AFAP1L2: variants seen among roughly 807,000 people sequenced by gnomAD.
AFAP1L2 encodes actin filament-associated protein 1-like 2.
Under a neutral mutation model 99.3 loss-of-function variants are expected in AFAP1L2, and 46 were observed. The ratio of observed to expected loss-of-function variants is 0.46; its 90% confidence interval spans 0.37 to 0.59. AFAP1L2 has a LOEUF of 0.59. AFAP1L2 is among the 20% of genes least tolerant of loss of function. AFAP1L2 has a pLI of 0.00. For synonymous variants in AFAP1L2, 397 were observed against 419.1 expected, an observed-to-expected ratio of 0.95 and a Z score of 0.64; for missense variants, 959 against 1,034.9, an observed-to-expected ratio of 0.93 and a Z score of 1.01.
chr10:114,309,636 C>T (rs2042919483), intron 8 of AFAP1L2, among the ~76,000 whole-genome samples: 1 of 152,052 alleles, frequency 6.6e-6, no homozygotes, highest in Admixed American at 6.5e-5. Context: ...CCCGAAAGCA[C>T]CATGCAAATG....
At chr10:114,388,728 C>T (rs549294118) in intron 1 of AFAP1L2, among the ~76,000 whole-genome samples, 179 of 152,288 alleles carry the variant, frequency 1.2e-3, no homozygotes, top group African/African-American at 3.9e-3. Flanking sequence ...GACATCAGCA[C>T]GTTCATTACA....
chr10:114,351,479 G>A lies in AFAP1L2; in HGVS notation c.17-10748C>T, dbSNP rs7916756. 7.6e-3 allele frequency among the ~76,000 whole-genome samples: 1,157 copies of A among 152,294 alleles called. 15 individuals are homozygous for A. The highest frequency in any genetic ancestry group is 0.027 in the African/African-American group (1,116 of 41,556). ...AGCATTGGACAGGTGTGCTGGTCGGGACCTTTTCATCCTGTCCAGGCCCCT... is the reference window on the plus strand; with the variant it reads ...AGCATTGGACAGGTGTGCTGGTCGGAACCTTTTCATCCTGTCCAGGCCCCT... On this transcript the variant is annotated intron_variant, in intron 1 of 18. Transcript: ENST00000304129.
chr10:114,291,982 T>C (rs1420543169), downstream of AFAP1L2, among the ~76,000 whole-genome samples: 1 of 152,122 alleles, frequency 6.6e-6, no homozygotes, highest in African/African-American at 2.4e-5. Flanking sequence ...GGTCTTCCTT[T>C]CAAAAGAGGC....
At chr10:114,360,048 G>A (rs754858780) in intron 1 of AFAP1L2, among the ~76,000 whole-genome samples, 48 of 152,126 alleles carry the variant, frequency 3.2e-4, no homozygotes, top group Admixed American at 7.2e-4. Context: ...GCATTTGGTC[G>A]AACATTCTTC....
At position 114,313,736 on chromosome 10, in the gene AFAP1L2, C is replaced by T. The variant is rs186515398; in HGVS notation, c.792+135G>A. The T allele has an allele frequency of 2.4e-5, 21 of 889,682 alleles. No individual in the cohort carries two copies. The East Asian group carries it at 3.8e-4, about 16-fold the overall frequency. The allele number at this position is 889,682 out of a possible 1,614,324, so 55.1% of individuals were successfully genotyped here. Reference sequence around the variant, plus strand: ...CCATTTGCAGAAGACAGATCGTTACCACTTAGAACACAGGAAGCCCTGCAA... The same window carrying T: ...CCATTTGCAGAAGACAGATCGTTACTACTTAGAACACAGGAAGCCCTGCAA... On this transcript the variant is annotated intron_variant, in intron 7 of 18. Transcript: ENST00000304129.
rs74157594 is a variant in AFAP1L2, at chr10:114,362,994, G to A, written c.17-22263C>T. The A allele has an allele frequency of 3.6e-3, 3,536 of 985,386 alleles. 51 individuals are homozygous for A. In the African/African-American group the frequency reaches 0.046, roughly 13 times the overall value. The allele number at this position is 985,386 out of a possible 1,614,324, so 61.0% of individuals were successfully genotyped here. A position where few individuals can be genotyped will look rare whatever the true frequency, so the allele number is the denominator to read the frequency against. On this transcript the variant is annotated intron_variant, in intron 1 of 18. Transcript: ENST00000304129. The stretch of plus-strand genomic sequence containing the variant: ...CCGGGGAATTCCCTGGTGGCAGCCC[G>A]ACAGGTGGGGAGGGACAGCTGCATG...
intron 11 of AFAP1L2, among the ~76,000 whole-genome samples, 167 bp downstream of exon 11, chr10:114,304,552 G>T (rs1165590012): frequency 6.6e-6 from 1 of 152,178 alleles, no homozygotes; most frequent in Non-Finnish European, 1.5e-5. Flanking sequence ...GGTCAGAAAA[G>T]GAATGGAAAT....
At chr10:114,311,895 C>A (rs1276335586) in intron 7 of AFAP1L2, among the ~76,000 whole-genome samples, 1 of 152,232 alleles carries the variant, frequency 6.6e-6, no homozygotes, top group African/African-American at 2.4e-5. Context: ...ATGGGCTTCA[C>A]AAAGCCAATG....
intron 4 of AFAP1L2, among the ~76,000 whole-genome samples, chr10:114,328,159 G>A (rs2046672015): frequency 6.6e-6 from 1 of 152,144 alleles, no homozygotes; most frequent in South Asian, 2.1e-4. Flanking sequence ...CTGAGTCACT[G>A]TCCACACCCA....
At chr10:114,308,962 C>G (rs1316987240) in intron 8 of AFAP1L2, among the ~76,000 whole-genome samples, 1 of 152,232 alleles carries the variant, frequency 6.6e-6, no homozygotes. Flanking sequence ...TTAAATGAGC[C>G]TCTCTGAGCC....
intron 1 of AFAP1L2, among the ~76,000 whole-genome samples, chr10:114,354,089 C>T (rs555622505): frequency 9.2e-5 from 14 of 152,246 alleles, no homozygotes; most frequent in African/African-American, 2.9e-4. Context: ...GGAACCTTCG[C>T]GCCTGAGTCC....
At chr10:114,298,085 A>G (rs1283327192) in intron 16 of AFAP1L2, among the ~76,000 whole-genome samples, 1 of 152,206 alleles carries the variant, frequency 6.6e-6, no homozygotes, top group Non-Finnish European at 1.5e-5. Flanking sequence ...AGTTTAAAAA[A>G]ATACAGTTCA....
intron 1 of AFAP1L2, among the ~76,000 whole-genome samples, chr10:114,371,916 G>A (rs1431203951): frequency 6.6e-6 from 1 of 151,910 alleles, no homozygotes; most frequent in Non-Finnish European, 1.5e-5. Context: ...GAACTAAATA[G>A]GACTCCAGTG....
At chr10:114,283,712 C>T in the AFAP1L2 span, among the ~76,000 whole-genome samples, 2 of 152,174 alleles carry the variant, frequency 1.3e-5, no homozygotes, top group African/African-American at 2.4e-5. Flanking sequence ...TGGGACCATG[C>T]GTGTATTGTG....
chr10:114,385,093 AG>A (rs1008190913), intron 1 of AFAP1L2, among the ~76,000 whole-genome samples: 8 of 152,214 alleles, frequency 5.3e-5, no homozygotes, highest in African/African-American at 1.4e-4. Flanking sequence ...AGGAGGAGGC[AG>A]GGGGGCAGTG....
At chr10:114,286,137 A>G in the AFAP1L2 span, 2 of 1,613,972 alleles carry the variant, frequency 1.2e-6, no homozygotes, top group Non-Finnish European at 1.7e-6. Context: ...CCTGTGGGGG[A>G]GTACCAGGAT....
chr10:114,345,611 A>C (rs981047291), intron 1 of AFAP1L2, among the ~76,000 whole-genome samples: 3 of 152,156 alleles, frequency 2.0e-5, no homozygotes, highest in Non-Finnish European at 2.9e-5. Flanking sequence ...TTACAACCCA[A>C]TTTGGCCACA....
chr10:114,313,966 G>C lies in AFAP1L2; in HGVS notation c.697C>G (p.Arg233Gly), dbSNP rs557738293. 1 of 1,613,974 alleles carries C rather than the reference G, an allele frequency of 6.2e-7. No individual in the cohort carries two copies. The highest frequency in any genetic ancestry group is 2.2e-5 in the East Asian group (1 of 44,838). ...ATCTTCAGCTTGTGCTCCTTCTTCCGCACTTGCTTCTCCTTGTGAATGACG... is the reference window on the plus strand; with the variant it reads ...ATCTTCAGCTTGTGCTCCTTCTTCCCCACTTGCTTCTCCTTGTGAATGACG... ...SSVIHKEKQV[R>G]KKEHKLKITP... Residue 233 changes from arginine (R) to glycine (G), a missense_variant, in exon 7 of 19, where the codon CGG (arginine) becomes GGG (glycine). Around this residue, in one of 2 missense-constraint regions of AFAP1L2, gnomAD observed 383 missense variants for 472.8 expected, o/e 0.81. Transcript: ENST00000304129.
the AFAP1L2 span, chr10:114,281,723 G>T: frequency 1.0e-6 from 1 of 985,238 alleles, no homozygotes; most frequent in African/African-American, 1.7e-5. Flanking sequence ...GGGGCACTGC[G>T]GGAGGCCTGG....
Sources: gnomAD v4.1 joint callset for allele counts (sites outside exome capture counted in the v4.1 genomes callset) on GRCh38, gnomAD v4.1.1 for gene constraint, gnomAD v4.1.1 regional missense constraint, MANE v1.5 for transcripts, NCBI Gene and HGNC (gene_info 2026-07-23, HGNC 2026-07-21) for gene names.